WWC2: variants seen among roughly 807,000 people sequenced by gnomAD.
The protein encoded by WWC2 is protein WWC2.
Under a neutral mutation model 138.5 loss-of-function variants are expected in WWC2, and 101 were observed. That is an observed-to-expected ratio of 0.73 (90% CI 0.62 to 0.86). The LOEUF (loss-of-function observed/expected upper bound fraction) is 0.86. Ranked by LOEUF, WWC2 falls within the 40% of genes least tolerant of loss-of-function variation. The probability of loss-of-function intolerance (pLI) is 0.00; values close to 1 mark genes in which losing one functional copy is unlikely to be tolerated. For missense variants in WWC2, 1,420 were observed against 1,419.4 expected (o/e 1.00, Z -0.01); for synonymous variants, 558 against 538.4 (o/e 1.04, Z -0.50).
chr4:183,164,466 A>G (rs1734080685), intron 1 of WWC2, among the ~76,000 whole-genome samples: 2 of 148,816 alleles, frequency 1.3e-5, no homozygotes, highest in African/African-American at 2.5e-5. Flanking sequence ...AGTGGCACAG[A>G]AAGAAGAGAT....
At chr4:183,120,236 A>G (rs1239672008) in intron 1 of WWC2, among the ~76,000 whole-genome samples, 1 of 152,216 alleles carries the variant, frequency 6.6e-6, no homozygotes, top group Non-Finnish European at 1.5e-5. Context: ...CTGAAAGGGA[A>G]TGTATATAAA....
chr4:183,157,328 T>TA (rs1430888738), intron 1 of WWC2, among the ~76,000 whole-genome samples: 1 of 152,332 alleles, frequency 6.6e-6, no homozygotes, highest in East Asian at 1.9e-4. Flanking sequence ...CTTCTCAACA[T>TA]ACCATGTCAG....
chr4:183,237,262 A>G (rs759420588), intron 4 of WWC2, among the ~76,000 whole-genome samples: 4 of 151,258 alleles, frequency 2.6e-5, no homozygotes, highest in Admixed American at 1.3e-4. Context: ...GACAGGTTTC[A>G]GCTCAGATAT....
At chr4:183,311,675 G>C (rs1276970092) in intron 21 of WWC2, among the ~76,000 whole-genome samples, 1 of 150,554 alleles carries the variant, frequency 6.6e-6, no homozygotes, top group African/African-American at 2.4e-5. Context: ...CACCTCCCAG[G>C]TTCAAGCCAT....
At chr4:183,196,896 C>T (rs185090436) in intron 2 of WWC2, among the ~76,000 whole-genome samples, 97 of 152,284 alleles carry the variant, frequency 6.4e-4, no homozygotes, top group Non-Finnish European at 9.8e-4. Flanking sequence ...CAGATATTTC[C>T]AGAGGACCAG....
Position 183,247,570 on chromosome 4 carries a change from T to TATATATG in WWC2, c.733-1144_733-1143insATATATG, listed in dbSNP as rs1391867345. ...TATATACTGTATATACTATATATGCTCTATATACTATATACTATATATATG... is the reference window on the plus strand; with the variant it reads ...TATATACTGTATATACTATATATGCTATATATGCTATATACTATATACTATATATATG... On this transcript the variant is annotated intron_variant, in intron 6 of 22. Transcript: ENST00000403733. Among the ~76,000 whole-genome samples the TATATATG allele has an allele frequency of 3.1e-3, 437 of 141,738 alleles. 8 individuals are homozygous for TATATATG. The highest frequency in any genetic ancestry group is 0.011 in the African/African-American group (404 of 37,920). 93.0% of individuals were successfully genotyped at this position (141,738 alleles called of 152,430 possible). A position where few individuals can be genotyped will look rare whatever the true frequency, so the allele number is the denominator to read the frequency against.
rs372301775 is a variant in WWC2 at position 183,319,524 on chromosome 4, C to A, written c.*3795C>A. On this transcript the variant is annotated 3_prime_UTR_variant, in exon 23 of 23. Coordinates refer to ENST00000403733, the MANE Select transcript of WWC2 (RefSeq NM_024949.6). ...ACCAAATCCAGTGTTGAGCAAGCGTCTCCTGAACAGCAGACGCTTGTCCTT... is the reference window on the plus strand; with the variant it reads ...ACCAAATCCAGTGTTGAGCAAGCGTATCCTGAACAGCAGACGCTTGTCCTT... 50 of 1,569,768 alleles carry A rather than the reference C, an allele frequency of 3.2e-5. No individual in the cohort carries two copies. The African/African-American group carries it at 5.9e-4, about 18-fold the overall frequency.
intron 1 of WWC2, among the ~76,000 whole-genome samples, chr4:183,185,726 A>G (rs1167054834): frequency 6.6e-6 from 1 of 152,086 alleles, no homozygotes; most frequent in Non-Finnish European, 1.5e-5. Flanking sequence ...TTGACTGGAG[A>G]GATGTGTGTG....
At chr4:183,136,164 T>C (rs991729772) in intron 1 of WWC2, among the ~76,000 whole-genome samples, 3 of 152,192 alleles carry the variant, frequency 2.0e-5, no homozygotes, top group African/African-American at 7.2e-5. Context: ...TTATGAATTC[T>C]AGAAAGGCTT....
chr4:183,286,037 G>T lies in WWC2; in HGVS notation c.3119G>T (p.Arg1040Leu). 1 of 1,582,496 alleles carries T rather than the reference G, an allele frequency of 6.3e-7. No individual in the cohort carries two copies. The highest frequency in any genetic ancestry group is 8.6e-7 in the Non-Finnish European group (1 of 1,162,794). Residue 1040 changes from arginine (R) to leucine (L), a missense_variant, in exon 20 of 23, where the codon CGC (arginine) becomes CTC (leucine). Physicochemically the swap from Arg to Leu is moderately radical, Grantham distance 102. Coordinates refer to ENST00000403733, the MANE Select transcript of WWC2 (RefSeq NM_024949.6). The part of the protein sequence containing the change: ...KSLFVRNSTE[R>L]RSLRVKRTVC... ...CTGTTTGTGAGAAACTCCACCGAACGCCGCAGTTTGAGGGTCAAAAGGGTA... is the reference window on the plus strand; with the variant it reads ...CTGTTTGTGAGAAACTCCACCGAACTCCGCAGTTTGAGGGTCAAAAGGGTA...
At chr4:183,100,416 A>AT (rs936499636) in intron 1 of WWC2, among the ~76,000 whole-genome samples, 1 of 151,928 alleles carries the variant, frequency 6.6e-6, no homozygotes, top group East Asian at 1.9e-4. Flanking sequence ...TGTGTCCCAT[A>AT]TTTTTTTTAC....
At chr4:183,276,842 A>G (rs1737870659) in intron 16 of WWC2, among the ~76,000 whole-genome samples, 1 of 152,006 alleles carries the variant, frequency 6.6e-6, no homozygotes, top group African/African-American at 2.4e-5. Context: ...CTGCATATTC[A>G]GAATTCTAGG....
intron 1 of WWC2, among the ~76,000 whole-genome samples, chr4:183,105,446 G>A (rs1743319634): frequency 1.3e-5 from 2 of 152,198 alleles, no homozygotes; most frequent in Non-Finnish European, 2.9e-5. Context: ...GGCATGGCCA[G>A]CTTCTTCTTG....
intron 1 of WWC2, among the ~76,000 whole-genome samples, chr4:183,189,832 C>A (rs993793878): frequency 6.6e-6 from 1 of 152,066 alleles, no homozygotes; most frequent in Admixed American, 6.5e-5. Context: ...AGTACAAACT[C>A]AGGTTTTTTT....
At chr4:183,232,519 G>A (rs895334677) in intron 4 of WWC2, among the ~76,000 whole-genome samples, 7 of 152,194 alleles carry the variant, frequency 4.6e-5, no homozygotes, top group East Asian at 1.9e-4. Context: ...AAATGGCATC[G>A]TATACTGTGT....
intron 1 of WWC2, among the ~76,000 whole-genome samples, chr4:183,103,819 A>G (rs1204521984): frequency 6.7e-6 from 1 of 149,250 alleles, no homozygotes; most frequent in Admixed American, 6.7e-5. Flanking sequence ...TATTTTTGGT[A>G]GAGATGGGGT....
chr4:183,188,012 G>A (rs1238252870), intron 1 of WWC2, among the ~76,000 whole-genome samples: 1 of 152,114 alleles, frequency 6.6e-6, no homozygotes, highest in African/African-American at 2.4e-5. Flanking sequence ...AATAAAATTA[G>A]TTTCTTTCCT....
intron 2 of WWC2, among the ~76,000 whole-genome samples, chr4:183,194,964 A>G (rs558826947): frequency 1.7e-3 from 262 of 152,334 alleles, no homozygotes; most frequent in African/African-American, 5.8e-3. Flanking sequence ...GCTATTATTT[A>G]TCTCTCCCTG....
rs1257018463 is a variant in WWC2 at position 183,131,874 on chromosome 4, A to AT, written c.131+32259dup. 2.0e-5 allele frequency among the ~76,000 whole-genome samples: 3 copies of AT among 152,122 alleles called. No individual in the cohort carries two copies. In the East Asian group the frequency reaches 5.8e-4, roughly 29 times the overall value. ...TGGGTTATAGGATGAGACCAATTTC[A>AT]TTTTTTTCTCCTGTATGTCTAACTT... On this transcript the variant is annotated intron_variant, in intron 1 of 22. Transcript: ENST00000403733.
Sources: allele counts gnomAD v4.1 joint callset (sites outside exome capture counted in the v4.1 genomes callset), GRCh38; gene constraint gnomAD v4.1.1; transcripts MANE v1.5; gene names NCBI Gene and HGNC (gene_info 2026-07-23, HGNC 2026-07-21).